The following MYO16 variants were observed in gnomAD, a reference collection of about 807,000 sequenced individuals.
The protein encoded by MYO16 is myosin XVI.
In MYO16, 94 loss-of-function variants were observed where a neutral mutation model predicts 205.3. The observed-to-expected ratio is 0.46, with a 90% CI of 0.39 to 0.54. The LOEUF (loss-of-function observed/expected upper bound fraction) is 0.54. MYO16 is among the 20% of genes least tolerant of loss of function. The pLI, the probability that MYO16 is intolerant of heterozygous loss-of-function variation, is 0.00. For missense variants in MYO16, 2,315 were observed against 2,387.5 expected (o/e 0.97, Z 0.63); for synonymous variants, 988 against 954.0 (o/e 1.04, Z -0.66).
At chr13:109,020,726 C>T (rs1885993168) in intron 23 of MYO16, among the ~76,000 whole-genome samples, 1 of 152,148 alleles carries the variant, frequency 6.6e-6, no homozygotes, top group Non-Finnish European at 1.5e-5. Context: ...CTCTCTGTCT[C>T]CTACTCTTAA....
At chr13:108,624,652 G>C (rs1879664490), upstream of MYO16, among the ~76,000 whole-genome samples, 1 of 152,114 alleles carries the variant, frequency 6.6e-6, no homozygotes, top group Non-Finnish European at 1.5e-5. Flanking sequence ...CAAATGTCCT[G>C]CTTTAGATAC....
the MYO16 span, among the ~76,000 whole-genome samples, chr13:108,541,219 C>T: frequency 2.6e-5 from 4 of 151,828 alleles, no homozygotes; most frequent in South Asian, 2.1e-4. Flanking sequence ...TAAAAATTTA[C>T]ATATTTTCTG....
intron 4 of MYO16, among the ~76,000 whole-genome samples, chr13:108,732,099 A>G (rs1473142436): frequency 6.6e-6 from 1 of 152,220 alleles, no homozygotes; most frequent in East Asian, 1.9e-4. Context: ...CAATAACCTC[A>G]AAAGATAAAT....
intron 4 of MYO16, among the ~76,000 whole-genome samples, chr13:108,757,996 G>A (rs1885478569): frequency 6.6e-6 from 1 of 152,118 alleles, no homozygotes; most frequent in African/African-American, 2.4e-5. Context: ...CTCTTGGGAG[G>A]TGATAGTCGT....
intron 27 of MYO16, among the ~76,000 whole-genome samples, chr13:109,085,084 C>T (rs1269392924): frequency 1.3e-5 from 2 of 152,072 alleles, no homozygotes. Context: ...TCAGCAGGTT[C>T]AGCCTGGGGG....
intron 2 of MYO16, among the ~76,000 whole-genome samples, chr13:108,697,103 G>C (rs937984156): frequency 6.6e-6 from 1 of 152,116 alleles, no homozygotes; most frequent in African/African-American, 2.4e-5. Context: ...ATTTAAATGA[G>C]TGAATATCTG....
chr13:109,090,735 G>A (rs1353568609), intron 27 of MYO16, among the ~76,000 whole-genome samples: 3 of 152,194 alleles, frequency 2.0e-5, no homozygotes, highest in African/African-American at 4.8e-5. Flanking sequence ...ATAGATTTCT[G>A]TGTGAACTAG....
chr13:108,905,460 T>A (rs1880923183), intron 15 of MYO16, among the ~76,000 whole-genome samples: 1 of 152,146 alleles, frequency 6.6e-6, no homozygotes, highest in South Asian at 2.1e-4. Context: ...TGAGGGGGAT[T>A]GTGAAAAGAG....
chr13:109,068,207 T>C (rs922580003), intron 27 of MYO16, among the ~76,000 whole-genome samples: 6 of 152,212 alleles, frequency 3.9e-5, no homozygotes, highest in Non-Finnish European at 8.8e-5. Context: ...CAATATCAGA[T>C]TTTGAATCTT....
chr13:109,193,323 T>C (rs2139950167), intron 34 of MYO16, among the ~76,000 whole-genome samples: 1 of 152,336 alleles, frequency 6.6e-6, no homozygotes, highest in South Asian at 2.1e-4. Context: ...TTATTAATGA[T>C]ACAGAAGTGC....
intron 5 of MYO16, among the ~76,000 whole-genome samples, chr13:108,790,513 A>G (rs1886585746): frequency 6.6e-6 from 1 of 152,188 alleles, no homozygotes; most frequent in Non-Finnish European, 1.5e-5. Context: ...ACGAAAATCT[A>G]TATTTTGTAC....
chr13:108,876,576 A>G (rs974880708), intron 12 of MYO16, among the ~76,000 whole-genome samples: 1 of 152,142 alleles, frequency 6.6e-6, no homozygotes, highest in Admixed American at 6.5e-5. Flanking sequence ...TATGTTTACT[A>G]TATACATGAA....
At chr13:108,798,701 T>A (rs890461390) in intron 6 of MYO16, among the ~76,000 whole-genome samples, 11 of 122,722 alleles carry the variant, frequency 9.0e-5, no homozygotes, top group African/African-American at 2.6e-4. Flanking sequence ...TTTTTTTTTT[T>A]TTTTTTTTTT....
At chr13:109,129,395 G>A (rs1876423184) in intron 31 of MYO16, among the ~76,000 whole-genome samples, 1 of 152,054 alleles carries the variant, frequency 6.6e-6, no homozygotes, top group Non-Finnish European at 1.5e-5. Context: ...TCTTCAAAGT[G>A]GACATTGACG....
chr13:109,128,597 T>C (rs1480674542), intron 31 of MYO16, among the ~76,000 whole-genome samples: 3 of 152,006 alleles, frequency 2.0e-5, no homozygotes, highest in Non-Finnish European at 4.4e-5. Flanking sequence ...ACTTCTTTTT[T>C]TTTTTCAAAT....
At chr13:108,597,283 T>C (rs1394694869) in intron 1 of MYO16, among the ~76,000 whole-genome samples, 1 of 152,198 alleles carries the variant, frequency 6.6e-6, no homozygotes, top group Non-Finnish European at 1.5e-5. Flanking sequence ...TACTGAAGGT[T>C]CATAAGGAAA....
chr13:108,785,805 C>T, intron 5 of MYO16, 62 bp downstream of exon 5: 1 of 1,080,520 alleles, frequency 9.3e-7, no homozygotes, highest in East Asian at 2.4e-5. Context: ...AGTGTGTATT[C>T]ATTTTCACAG....
chr13:109,037,781 G>A (rs1007779196), intron 23 of MYO16, among the ~76,000 whole-genome samples: 6 of 152,140 alleles, frequency 3.9e-5, no homozygotes, highest in African/African-American at 1.4e-4. Context: ...TCAGTAACTT[G>A]CCCTGGTTAT....
intron 2 of MYO16, 48 bp from the exon 3 acceptor site, chr13:108,712,613 T>C (rs1248487430): frequency 1.9e-6 from 3 of 1,546,516 alleles, no homozygotes; most frequent in Non-Finnish European, 2.7e-6. Context: ...GTTCCACACG[T>C]GGAAGAAGGA....
Sources: gnomAD v4.1 joint callset for allele counts (sites outside exome capture counted in the v4.1 genomes callset) on GRCh38, gnomAD v4.1.1 for gene constraint, MANE v1.5 for transcripts, NCBI Gene and HGNC (gene_info 2026-07-23, HGNC 2026-07-21) for gene names.